The following RAB3C variants were observed in gnomAD, a reference collection of about 807,000 sequenced individuals.
RAB3C encodes ras-related protein Rab-3C.
RAB3C carries 17 observed loss-of-function variants against 26.4 expected under a neutral mutation model. That is an observed-to-expected ratio of 0.64 (90% CI 0.44 to 0.97). RAB3C has a LOEUF of 0.97. Ranked by LOEUF, RAB3C falls within the 50% of genes least tolerant of loss-of-function variation. The pLI is 0.00. For missense variants in RAB3C, 242 were observed against 281.9 expected (o/e 0.86, Z 1.01); for synonymous variants, 91 against 95.9 (o/e 0.95, Z 0.30).
At chr5:58,737,394 AATAT>A (rs55691242) in intron 3 of RAB3C, among the ~76,000 whole-genome samples, 299 of 37,948 alleles carry the variant, frequency 7.9e-3, no homozygotes, top group Non-Finnish European at 0.012. Context: ...CACCCTATGA[AATAT>A]ATATATATAT....
intron 4 of RAB3C, among the ~76,000 whole-genome samples, chr5:58,827,946 T>A (rs1018503628): frequency 3.9e-5 from 6 of 152,386 alleles, no homozygotes; most frequent in African/African-American, 1.4e-4. Flanking sequence ...AGTTGCACAT[T>A]GTTTTTTAAA....
chr5:58,659,020 G>A (rs1159107972), intron 2 of RAB3C, among the ~76,000 whole-genome samples: 2 of 152,152 alleles, frequency 1.3e-5, no homozygotes, highest in South Asian at 4.1e-4. Context: ...GGAGAGATGG[G>A]AGAAGCCACA....
intron 1 of RAB3C, among the ~76,000 whole-genome samples, chr5:58,615,012 A>G (rs1237325882): frequency 6.6e-6 from 1 of 152,136 alleles, no homozygotes; most frequent in East Asian, 1.9e-4. Context: ...ATACCACACC[A>G]TTTTATATCA....
Position 58,693,592 on chromosome 5 carries a change from G to A in RAB3C, c.253-32410G>A, listed in dbSNP as rs913121986. Among the ~76,000 whole-genome samples, 3 of 152,152 alleles carry A rather than the reference G, an allele frequency of 2.0e-5. No individual in the cohort carries two copies. The South Asian group carries it at 6.2e-4, about 32-fold the overall frequency. On this transcript the variant is annotated intron_variant, in intron 2 of 4. Coordinates refer to ENST00000282878, the MANE Select transcript of RAB3C (RefSeq NM_138453.4). ...TAATTCAGCCAAGAGGTAGAGCTGAGAAATTGAAAAGTGACTCCAAGTGAC... is the reference window on the plus strand; with the variant it reads ...TAATTCAGCCAAGAGGTAGAGCTGAAAAATTGAAAAGTGACTCCAAGTGAC...
chr5:58,805,603 A>AAGAG (rs1554019804), intron 3 of RAB3C, among the ~76,000 whole-genome samples: 1 of 132,936 alleles, frequency 7.5e-6, no homozygotes, highest in Non-Finnish European at 1.6e-5. Flanking sequence ...AAAAAAAAAA[A>AAGAG]AGAGAGAGAG....
intron 2 of RAB3C, among the ~76,000 whole-genome samples, chr5:58,715,208 C>A (rs1254786793): frequency 6.6e-6 from 1 of 151,616 alleles, no homozygotes. Flanking sequence ...TTTAATTCCA[C>A]AGGCTGAGTT....
rs867605885 is a variant in RAB3C at position 58,799,951 on chromosome 5, T to C, written c.372-25087T>C. On this transcript the variant is annotated intron_variant, in intron 3 of 4. Transcript: ENST00000282878. ...CATTTCTTCAAATCAGTTGACTCCC[T>C]TTCTTCAAAGACATTATCAGCTATT... 2.6e-5 allele frequency among the ~76,000 whole-genome samples: 4 copies of C among 152,348 alleles called. No homozygotes were observed. The South Asian group carries it at 8.3e-4, about 32-fold the overall frequency.
chr5:58,697,571 C>T (rs1748742006), intron 2 of RAB3C, among the ~76,000 whole-genome samples: 3 of 151,968 alleles, frequency 2.0e-5, no homozygotes. Flanking sequence ...TTTCTTTGTA[C>T]ATCTCTAAGG....
intron 2 of RAB3C, among the ~76,000 whole-genome samples, chr5:58,640,957 A>G (rs1747401781): frequency 6.6e-6 from 1 of 152,182 alleles, no homozygotes; most frequent in Admixed American, 6.5e-5. Flanking sequence ...AGAAATACAT[A>G]TTTTTCTTAA....
At chr5:58,687,013 C>T (rs891035394) in intron 2 of RAB3C, among the ~76,000 whole-genome samples, 2 of 152,098 alleles carry the variant, frequency 1.3e-5, no homozygotes, top group African/African-American at 2.4e-5. Flanking sequence ...TCATTTCACT[C>T]GGTGACCTAG....
intron 3 of RAB3C, among the ~76,000 whole-genome samples, chr5:58,759,374 T>A (rs1265717522): frequency 6.6e-6 from 1 of 152,118 alleles, no homozygotes; most frequent in East Asian, 1.9e-4. Context: ...ATGCAATAGG[T>A]GCAACGTCAC....
At chr5:58,681,480 G>T (rs762833598) in intron 2 of RAB3C, among the ~76,000 whole-genome samples, 5 of 152,186 alleles carry the variant, frequency 3.3e-5, no homozygotes, top group Non-Finnish European at 7.3e-5. Context: ...CATTTAAATG[G>T]CTACTATTAA....
chr5:58,622,818 G>T (rs1039137067), intron 2 of RAB3C, among the ~76,000 whole-genome samples: 5 of 152,156 alleles, frequency 3.3e-5, no homozygotes, highest in East Asian at 1.9e-4. Flanking sequence ...AAAGTGATTT[G>T]CCCAAGGTTA....
intron 3 of RAB3C, among the ~76,000 whole-genome samples, chr5:58,789,079 G>A (rs1341704681): frequency 6.6e-6 from 1 of 152,114 alleles, no homozygotes; most frequent in Non-Finnish European, 1.5e-5. Context: ...GTCATTAAAA[G>A]CCATGAGAGA....
rs760055711 is a variant in RAB3C at position 58,825,078 on chromosome 5, G to A, written c.412G>A (p.Val138Ile). Residue 138 changes from valine to isoleucine, a missense_variant, in exon 4 of 5, where the codon GTT becomes ATT. Val to Ile is a conservative substitution (Grantham distance 29). Transcript: ENST00000282878. ...AACATACTCTTGGGACAATGCCCAA[G>A]TTATTCTGGTTGGGAACAAGTGTGA... ...IKTYSWDNAQ[V>I]ILVGNKCDME... is the part of the protein sequence containing the mutation. 12 of 1,613,428 alleles carry A rather than the reference G, an allele frequency of 7.4e-6. No homozygotes were observed. In the South Asian group the frequency reaches 1.3e-4, roughly 18 times the overall value.
At chr5:58,616,760 A>G (rs1293962804) in intron 1 of RAB3C, among the ~76,000 whole-genome samples, 4 of 152,190 alleles carry the variant, frequency 2.6e-5, no homozygotes, top group Non-Finnish European at 5.9e-5. Context: ...ACAGCCAGTA[A>G]AGAGTGGAGC....
chr5:58,637,358 A>G (rs972680524), intron 2 of RAB3C, among the ~76,000 whole-genome samples: 2 of 151,908 alleles, frequency 1.3e-5, no homozygotes, highest in Non-Finnish European at 2.9e-5. Flanking sequence ...CTCTCCTGCT[A>G]TCACTCACTC....
chr5:58,823,328 T>C (rs902668148), intron 3 of RAB3C: 7 of 181,192 alleles, frequency 3.9e-5, no homozygotes, highest in Non-Finnish European at 8.1e-5. Context: ...GAGACCAGCC[T>C]GGACAACATG....
At chr5:58,778,170 C>T (rs1742191934) in intron 3 of RAB3C, among the ~76,000 whole-genome samples, 1 of 151,972 alleles carries the variant, frequency 6.6e-6, no homozygotes, top group African/African-American at 2.4e-5. Flanking sequence ...GAGTTTTTAG[C>T]TCTAAATATC....
Sources: allele counts gnomAD v4.1 joint callset (sites outside exome capture counted in the v4.1 genomes callset), GRCh38; gene constraint gnomAD v4.1.1; transcripts MANE v1.5; gene names NCBI Gene and HGNC (gene_info 2026-07-23, HGNC 2026-07-21).